Variants in HARS2 observed in about 807,000 individuals in gnomAD.
HARS2 encodes histidine--tRNA ligase, mitochondrial.
HARS2 carries 40 observed loss-of-function variants against 62.4 expected under a neutral mutation model. The ratio of observed to expected loss-of-function variants is 0.64; its 90% confidence interval spans 0.50 to 0.83. The LOEUF is 0.83. HARS2 is among the 40% of genes least tolerant of loss of function. The probability of loss-of-function intolerance (pLI) is 0.00; values close to 1 mark genes in which losing one functional copy is unlikely to be tolerated. For synonymous variants in HARS2, 228 were observed against 227.0 expected (o/e 1.00, Z -0.04); for missense variants, 569 against 626.4 (o/e 0.91, Z 0.98).
chr5:140,697,067 T>G lies in HARS2; in HGVS notation c.951T>G (p.Asp317Glu). ...FEYLTLFGIA[D>E]KISFDLSLAR... ...ACCTGACTTTATTTGGAATTGCTGA[T>G]AAGGTAAGCTGAATTGCAAATGGAC... is the stretch of plus-strand genomic sequence containing the variant. The change falls in exon 9 of 13, where the codon GAT becomes GAG. Residue 317 changes from aspartate (D) to glutamate (E), a missense_variant. Coordinates refer to ENST00000230771, the MANE Select transcript of HARS2 (RefSeq NM_012208.4). 6.2e-7 allele frequency: 1 copy of G among 1,614,124 alleles called. No individual in the cohort carries two copies. Among genetic ancestry groups the G allele is most frequent in the Non-Finnish European group, 8.5e-7 (1 of 1,180,030 alleles).
chr5:140,691,687 T>A lies in HARS2; in HGVS notation c.39T>A (p.Ala13=). ...LLGLLPRRAW[A]SLLSQLLRPP... ...GACTTCTTCCCAGGAGGGCCTGGGCTTCGCTGCTCAGCCAGCTCCTGCGAC... is the reference window on the plus strand; with the variant it reads ...GACTTCTTCCCAGGAGGGCCTGGGCATCGCTGCTCAGCCAGCTCCTGCGAC... Residue 13 remains alanine, a synonymous_variant, in exon 1 of 13, where the codon GCT becomes GCA. Coordinates refer to ENST00000230771, the MANE Select transcript of HARS2 (RefSeq NM_012208.4). 2 of 1,551,922 alleles carry A rather than the reference T, an allele frequency of 1.3e-6. No homozygotes were observed. The highest frequency in any genetic ancestry group is 2.4e-5 in the South Asian group (2 of 84,166).
chr5:140,691,962 C>A, intron 1 of HARS2: 1 of 599,394 alleles, frequency 1.7e-6, no homozygotes, highest in Non-Finnish European at 3.0e-6. Flanking sequence ...TTCCATTCTG[C>A]AGTTGAGGAA....
chr5:140,698,919 T>A lies in HARS2; in HGVS notation c.*367T>A, dbSNP rs1234606566. 8 of 332,090 alleles carry A rather than the reference T, an allele frequency of 2.4e-5. No individual in the cohort carries two copies. In the East Asian group the frequency reaches 5.8e-4, roughly 24 times the overall value. 20.6% of individuals were successfully genotyped at this position (332,090 alleles called of 1,614,324 possible). On this transcript the variant is annotated 3_prime_UTR_variant, in exon 13 of 13. Transcript: ENST00000230771. Reference sequence around the variant, plus strand: ...CCATTGAGATCAGAAACCAGATACTTAGCCTTCTACTGTAGCTACGGAACC... The same window carrying A: ...CCATTGAGATCAGAAACCAGATACTAAGCCTTCTACTGTAGCTACGGAACC...
At position 140,697,920 on chromosome 5, in the gene HARS2, G is replaced by T; in HGVS notation, c.1315-12G>T. 6.2e-7 allele frequency: 1 copy of T among 1,612,842 alleles called. No individual in the cohort carries two copies. Among genetic ancestry groups the T allele is most frequent in the South Asian group, 1.1e-5 (1 of 91,008 alleles). On this transcript the variant is annotated splice_polypyrimidine_tract_variant and intron_variant, in intron 11 of 12. Transcript: ENST00000230771. ...ACTTCTAAGTCCCTTACTCTGTCTTGATCCTTTTCAGGCAGAGATGCTATA... is the reference window on the plus strand; with the variant it reads ...ACTTCTAAGTCCCTTACTCTGTCTTTATCCTTTTCAGGCAGAGATGCTATA...
At chr5:140,695,909 C>T (rs1374224722) in intron 6 of HARS2, 64 bp downstream of exon 6, 1 of 1,284,742 alleles carries the variant, frequency 7.8e-7, no homozygotes, top group East Asian at 2.3e-5. Context: ...TTATGCAAGT[C>T]CCAAACTTGG....
rs146931647 is a variant in HARS2 at position 140,696,965 on chromosome 5, A to G, written c.849A>G (p.Gln283=). 53 of 1,613,800 alleles carry G rather than the reference A, an allele frequency of 3.3e-5. No individual in the cohort carries two copies. The African/African-American group carries it at 6.1e-4, about 19-fold the overall frequency. Residue 283 remains glutamine, a synonymous_variant, in exon 9 of 13, where the codon CAA becomes CAG. Transcript: ENST00000230771. Reference sequence around the variant, plus strand: ...CAGGTGGGGTATCCCTAGTAGAGCAAATGTTTCAGGATCCCAGACTATCCC... The same window carrying G: ...CAGGTGGGGTATCCCTAGTAGAGCAGATGTTTCAGGATCCCAGACTATCCC... ...QCHGGVSLVE[Q]MFQDPRLSQN...
rs1046078498 is a variant in HARS2, at chr5:140,696,115, C to A, written c.646C>A (p.Arg216=). ...GDFLIKVNDR[R]IVDGMFAVCG... is the part of the protein sequence containing the mutation. ...ATTGAGTTCTCAGGTAAATGACCGG[C>A]GGATTGTGGATGGGATGTTTGCTGT... The change falls in exon 7 of 13, where the codon CGG becomes AGG. Residue 216 remains arginine (R), a synonymous_variant. Coordinates refer to ENST00000230771, the MANE Select transcript of HARS2 (RefSeq NM_012208.4). The A allele has an allele frequency of 2.5e-6, 4 of 1,613,506 alleles. No homozygotes were observed. Among genetic ancestry groups the A allele is most frequent in the Non-Finnish European group, 2.5e-6 (3 of 1,179,540 alleles).
rs1051764254 is a variant in HARS2 at position 140,697,016 on chromosome 5, G to C, written c.900G>C (p.Leu300=). Residue 300 remains leucine (L), a synonymous_variant, in exon 9 of 13, where the codon CTG becomes CTC. Coordinates refer to ENST00000230771, the MANE Select transcript of HARS2 (RefSeq NM_012208.4). ...AGAACAAGCAGGCCCTGGAGGGCCT[G>C]GGAGACCTAAAGCTGCTATTTGAAT... ...LSQNKQALEG[L]GDLKLLFEYL... 2.5e-6 allele frequency: 4 copies of C among 1,613,914 alleles called. No homozygotes were observed. In the African/African-American group the frequency reaches 5.3e-5, roughly 22 times the overall value.
intron 7 of HARS2, 40 bp from the exon 8 acceptor site, chr5:140,696,481 A>T (rs781288241): frequency 6.9e-7 from 1 of 1,449,658 alleles, no homozygotes. Flanking sequence ...TTGAGAAAGA[A>T]AGATCTTGGG....
intron 8 of HARS2, among the ~76,000 whole-genome samples, 155 bp downstream of exon 8, chr5:140,696,769 G>T (rs996210359): frequency 3.3e-5 from 5 of 149,392 alleles, no homozygotes; most frequent in Non-Finnish European, 7.4e-5. Context: ...ACGACTTTGT[G>T]TCTTCAGATG....
chr5:140,694,622 T>C (rs988240215), intron 4 of HARS2, among the ~76,000 whole-genome samples: 1 of 152,156 alleles, frequency 6.6e-6, no homozygotes, highest in African/African-American at 2.4e-5. Context: ...TCCAAGCCCT[T>C]TGGGAGGCTG....
Position 140,697,564 on chromosome 5 carries a change from A to G in HARS2, c.1198-5A>G. 1 of 1,609,228 alleles carries G rather than the reference A, an allele frequency of 6.2e-7. No individual in the cohort carries two copies. The highest frequency in any genetic ancestry group is 1.7e-4 in the Middle Eastern group (1 of 6,058). ...TATTAGTTTTACTTTCTTCTCTCTT[A>G]TTAGACCAAAGGTGAGAAGGTGCGG... On this transcript the variant is annotated splice_polypyrimidine_tract_variant and splice_region_variant and intron_variant, in intron 10 of 12. Transcript: ENST00000230771.
rs1216643296 is a variant in HARS2, at chr5:140,699,053, C to G, written c.*501C>G. The G allele has an allele frequency of 4.0e-6, 1 of 248,918 alleles. No homozygotes were observed. The highest frequency in any genetic ancestry group is 7.9e-6 in the Non-Finnish European group (1 of 126,144). The allele number at this position is 248,918 out of a possible 1,614,324, so 15.4% of individuals were successfully genotyped here. A position where few individuals can be genotyped will look rare whatever the true frequency, so the allele number is the denominator to read the frequency against. ...TTCAGCTTTGAGGACAGATGCTATC[C>G]TAAGGGCATGGCAGTACCCATGTTG... On this transcript the variant is annotated 3_prime_UTR_variant, in exon 13 of 13. Coordinates refer to ENST00000230771, the MANE Select transcript of HARS2 (RefSeq NM_012208.4).
At position 140,697,980 on chromosome 5, in the gene HARS2, T is replaced by C. The variant is rs750410176; in HGVS notation, c.1363T>C (p.Tyr455His). 2 of 1,613,722 alleles carry C rather than the reference T, an allele frequency of 1.2e-6. No homozygotes were observed. The highest frequency in any genetic ancestry group is 2.2e-5 in the South Asian group (2 of 91,078). ...CCCCAAACTATTAACCCAGCTGCAC[T>C]ATTGTGAGAGCACAGGCATTCCACT... ...NNPKLLTQLH[Y>H]CESTGIPLVV... Residue 455 changes from tyrosine (Y) to histidine (H), a missense_variant, in exon 12 of 13, where the codon TAT (tyrosine) becomes CAT (histidine). Transcript: ENST00000230771.
At position 140,691,529 on chromosome 5, in the gene HARS2, C is replaced by T. The variant is rs1759461104; in HGVS notation, c.-120C>T. ...GTGACTAGTGAGGTGCGCAAACGCC[C>T]GAGTTTTCCCTGGTGCGCGGGTTCC... On this transcript the variant is annotated 5_prime_UTR_variant, in exon 1 of 13. Coordinates refer to ENST00000230771, the MANE Select transcript of HARS2 (RefSeq NM_012208.4). 3 of 791,914 alleles carry T rather than the reference C, an allele frequency of 3.8e-6. No homozygotes were observed. The highest frequency in any genetic ancestry group is 3.4e-4 in the Middle Eastern group (1 of 2,932). The allele number at this position is 791,914 out of a possible 1,614,324, so 49.1% of individuals were successfully genotyped here. A position where few individuals can be genotyped will look rare whatever the true frequency, so the allele number is the denominator to read the frequency against.
Position 140,698,966 on chromosome 5 carries a change from C to T in HARS2, c.*414C>T. On this transcript the variant is annotated 3_prime_UTR_variant, in exon 13 of 13. Coordinates refer to ENST00000230771, the MANE Select transcript of HARS2 (RefSeq NM_012208.4). ...AACCAGATTCTGGTGAATTTGTCCA[C>T]AATCAGCCATTGGCCTGTCTGGGGA... 1 of 294,046 alleles carries T rather than the reference C, an allele frequency of 3.4e-6. No homozygotes were observed. The highest frequency in any genetic ancestry group is 6.6e-6 in the Non-Finnish European group (1 of 150,692). The allele number at this position is 294,046 out of a possible 1,614,324, so 18.2% of individuals were successfully genotyped here. A position where few individuals can be genotyped will look rare whatever the true frequency, so the allele number is the denominator to read the frequency against.
intron 4 of HARS2, 96 bp downstream of exon 4, chr5:140,694,376 G>A: frequency 1.2e-6 from 1 of 845,648 alleles, no homozygotes; most frequent in Non-Finnish European, 2.1e-6. Flanking sequence ...GATCTTAGAG[G>A]TCCATTGCCT....
At chr5:140,698,364 C>T in intron 12 of HARS2, 129 bp from the exon 13 acceptor site, 1 of 832,062 alleles carries the variant, frequency 1.2e-6, no homozygotes, top group South Asian at 1.3e-5. Flanking sequence ...TCAGGTCAAC[C>T]CACACTACTC....
In HARS2 at chr5:140,697,076, C is replaced by A. The variant is rs186544207; in HGVS notation, c.954+6C>A. On this transcript the variant is annotated splice_donor_region_variant and intron_variant, in intron 9 of 12. Coordinates refer to ENST00000230771, the MANE Select transcript of HARS2 (RefSeq NM_012208.4). Reference sequence around the variant, plus strand: ...TATTTGGAATTGCTGATAAGGTAAGCTGAATTGCAAATGGACCTCCTGCTG... The same window carrying A: ...TATTTGGAATTGCTGATAAGGTAAGATGAATTGCAAATGGACCTCCTGCTG... 8.1e-6 allele frequency: 13 copies of A among 1,614,100 alleles called. No individual in the cohort carries two copies. The Admixed American group carries it at 2.2e-4, about 27-fold the overall frequency.
Sources: allele counts gnomAD v4.1 joint callset (sites outside exome capture counted in the v4.1 genomes callset), GRCh38; gene constraint gnomAD v4.1.1; transcripts MANE v1.5; gene names NCBI Gene and HGNC (gene_info 2026-07-23, HGNC 2026-07-21).